Variants in KIAA0586 observed in about 807,000 individuals in gnomAD.
KIAA0586 encodes the protein protein TALPID3.
In KIAA0586, 144 loss-of-function variants were observed where a neutral mutation model predicts 169.8. The observed-to-expected ratio is 0.85, with a 90% CI of 0.74 to 0.97. KIAA0586 has a LOEUF of 0.97. Among genes scored for constraint, KIAA0586 ranks in the 50% least tolerant of loss-of-function variants. The pLI is 0.00. For missense variants in KIAA0586, 1,854 were observed against 1,823.0 expected (o/e 1.02, Z -0.31); for synonymous variants, 625 against 612.4 (o/e 1.02, Z -0.30).
At position 58,428,105 on chromosome 14, in the gene KIAA0586, A is replaced by C; in HGVS notation, c.-160A>C. ...AAATATGACTTTATAGTCAGCTCTAATCCTGGATTCAATATCAGAATTTAG... is the reference window on the plus strand; with the variant it reads ...AAATATGACTTTATAGTCAGCTCTACTCCTGGATTCAATATCAGAATTTAG... On this transcript the variant is annotated 5_prime_UTR_variant, in exon 1 of 31. Coordinates refer to ENST00000652326, the MANE Select transcript of KIAA0586 (RefSeq NM_001329943.3). 6.8e-7 allele frequency: 1 copy of C among 1,461,964 alleles called. No individual in the cohort carries two copies. Among genetic ancestry groups the C allele is most frequent in the South Asian group, 1.5e-5 (1 of 66,582 alleles). The allele number at this position is 1,461,964 out of a possible 1,614,324, so 90.6% of individuals were successfully genotyped here. A position where few individuals can be genotyped will look rare whatever the true frequency, so the allele number is the denominator to read the frequency against.
chr14:58,473,318 G>C (rs1566854622), intron 18 of KIAA0586, among the ~76,000 whole-genome samples: 1 of 152,136 alleles, frequency 6.6e-6, no homozygotes, highest in Non-Finnish European at 1.5e-5. Flanking sequence ...GTTGATAATT[G>C]TTAAAGCTGG....
At chr14:58,542,953 C>T (rs374537887) in intron 30 of KIAA0586, among the ~76,000 whole-genome samples, 189 of 151,910 alleles carry the variant, frequency 1.2e-3, no homozygotes, top group African/African-American at 4.4e-3. Flanking sequence ...CATGGTGAAA[C>T]CCCGTCTCTA....
intron 27 of KIAA0586, among the ~76,000 whole-genome samples, chr14:58,506,520 C>G (rs1358116686): frequency 6.6e-6 from 1 of 151,774 alleles, no homozygotes; most frequent in Non-Finnish European, 1.5e-5. Flanking sequence ...AACGCTGCCT[C>G]TACTAAAAAT....
At chr14:58,482,381 A>T in intron 20 of KIAA0586, 132 bp from the exon 21 acceptor site, 1 of 613,408 alleles carries the variant, frequency 1.6e-6, no homozygotes, top group Non-Finnish European at 2.5e-6. Context: ...AGCCAAGATC[A>T]CATCATTGCA....
the KIAA0586 span, among the ~76,000 whole-genome samples, chr14:58,557,606 T>A: frequency 1.3e-5 from 2 of 152,080 alleles, no homozygotes; most frequent in Non-Finnish European, 2.9e-5. Flanking sequence ...ACTACTGGTG[T>A]GAAGCTTCTC....
At chr14:58,459,735 G>C (rs1360183113) in intron 12 of KIAA0586, 108 bp from the exon 13 acceptor site, 11 of 598,816 alleles carry the variant, frequency 1.8e-5, no homozygotes, top group Non-Finnish European at 2.2e-5. Flanking sequence ...ATTTAAAACT[G>C]CTAAACTGTA....
rs147014691 is a variant in KIAA0586, at chr14:58,494,053, C to T, written c.3990+1778C>T. ...TATTTATTCGTGCAATTGTATCAGA[C>T]GTTTTTATCTTTTAGATGCTGGGAA... On this transcript the variant is annotated intron_variant, in intron 26 of 30. Transcript: ENST00000652326. Among the ~76,000 whole-genome samples, 159 of 151,858 alleles carry T rather than the reference C, an allele frequency of 1.0e-3. 1 individual carries two copies. The highest frequency in any genetic ancestry group is 2.8e-3 in the African/African-American group (117 of 41,432).
chr14:58,555,541 T>C (rs766239536), downstream of KIAA0586, among the ~76,000 whole-genome samples: 3 of 152,256 alleles, frequency 2.0e-5, no homozygotes, highest in Non-Finnish European at 4.4e-5. Flanking sequence ...GAGTTTATTT[T>C]GTTTTACCTT....
intron 29 of KIAA0586, among the ~76,000 whole-genome samples, chr14:58,535,290 A>C (rs2046211734): frequency 6.6e-6 from 1 of 152,190 alleles, no homozygotes; most frequent in Admixed American, 6.5e-5. Context: ...GTCTATTAAA[A>C]CATAGAGTCT....
intron 4 of KIAA0586, among the ~76,000 whole-genome samples, chr14:58,433,498 C>T (rs2037554922): frequency 6.6e-6 from 1 of 152,106 alleles, no homozygotes; most frequent in African/African-American, 2.4e-5. Flanking sequence ...TTCTTTCAAC[C>T]TTGAATTTCT....
intron 14 of KIAA0586, among the ~76,000 whole-genome samples, chr14:58,464,519 A>G (rs1044344773): frequency 5.9e-5 from 9 of 152,070 alleles, no homozygotes; most frequent in Admixed American, 2.6e-4. Context: ...CGCTTACTTT[A>G]TTCTTTACTT....
chr14:58,488,211 A>G, intron 23 of KIAA0586, 102 bp downstream of exon 23: 2 of 921,958 alleles, frequency 2.2e-6, no homozygotes, highest in Non-Finnish European at 3.2e-6. Context: ...TTTATAAACC[A>G]CAGACTACCT....
intron 6 of KIAA0586, among the ~76,000 whole-genome samples, chr14:58,446,080 G>C (rs1595126784): frequency 6.6e-6 from 1 of 151,388 alleles, no homozygotes; most frequent in African/African-American, 2.4e-5. Flanking sequence ...ATGTTGGCCA[G>C]GTTGGTCTCA....
At chr14:58,467,568 A>G (rs2040864480) in intron 15 of KIAA0586, among the ~76,000 whole-genome samples, 167 bp from the exon 16 acceptor site, 1 of 152,208 alleles carries the variant, frequency 6.6e-6, no homozygotes, top group South Asian at 2.1e-4. Context: ...AATAAAAGTC[A>G]CTGGGTATGG....
At position 58,474,671 on chromosome 14, in the gene KIAA0586, A is replaced by C; in HGVS notation, c.2699A>C (p.Lys900Thr). The change falls in exon 19 of 31, where the codon AAA becomes ACA. Residue 900 changes from lysine to threonine, a missense_variant. Coordinates refer to ENST00000652326, the MANE Select transcript of KIAA0586 (RefSeq NM_001329943.3). Reference protein sequence around the residue: ...EPILEFNRSVKADSTKYNGPP... With the variant: ...EPILEFNRSVTADSTKYNGPP... ...ATTCTGGAGTTTAACAGAAGTGTTA[A>C]AGCTGATTCTACAAAATATAATGGT... is the stretch of plus-strand genomic sequence containing the variant. 1.2e-6 allele frequency: 2 copies of C among 1,612,552 alleles called. No individual in the cohort carries two copies. Among genetic ancestry groups the C allele is most frequent in the Non-Finnish European group, 1.7e-6 (2 of 1,179,420 alleles).
chr14:58,548,755 A>G lies in KIAA0586; in HGVS notation c.*823A>G, dbSNP rs894859525. ...ATAAACCTTTATAAACCTGTGAAAC[A>G]TGTAACTCTATTACCTTTTGCAACA... On this transcript the variant is annotated 3_prime_UTR_variant, in exon 31 of 31. Transcript: ENST00000652326. 3.2e-4 allele frequency: 49 copies of G among 152,220 alleles called. No individual in the cohort carries two copies. Among genetic ancestry groups the G allele is most frequent in the African/African-American group, 1.2e-3 (48 of 41,460 alleles). 9.4% of individuals were successfully genotyped at this position (152,220 alleles called of 1,614,324 possible).
intron 4 of KIAA0586, among the ~76,000 whole-genome samples, chr14:58,434,526 A>C (rs750315719): frequency 3.9e-5 from 6 of 152,220 alleles, no homozygotes; most frequent in Non-Finnish European, 7.3e-5. Flanking sequence ...TTATGATGCT[A>C]ACCTAGCCCA....
chr14:58,458,867 G>A (rs2040089261), intron 12 of KIAA0586, among the ~76,000 whole-genome samples: 1 of 152,142 alleles, frequency 6.6e-6, no homozygotes, highest in Non-Finnish European at 1.5e-5. Flanking sequence ...GGATTTAGGA[G>A]CATTGACCCG....
chr14:58,522,644 G>GA (rs1191129333), intron 29 of KIAA0586, among the ~76,000 whole-genome samples: 2 of 150,822 alleles, frequency 1.3e-5, no homozygotes, highest in Non-Finnish European at 3.0e-5. Context: ...ATTAAACCAG[G>GA]AAAAAAACAA....
Sources: gnomAD v4.1 joint callset for allele counts (sites outside exome capture counted in the v4.1 genomes callset) on GRCh38, gnomAD v4.1.1 for gene constraint, MANE v1.5 for transcripts, NCBI Gene and HGNC (gene_info 2026-07-23, HGNC 2026-07-21) for gene names.